Variants in NEXMIF observed in about 807,000 individuals in gnomAD.
NEXMIF encodes the protein neurite extension and migration factor.
In NEXMIF, 8 loss-of-function variants were observed where a neutral mutation model predicts 62.1. The ratio of observed to expected loss-of-function variants is 0.13; its 90% CI spans 0.08 to 0.23. The LOEUF (loss-of-function observed/expected upper bound fraction) is 0.23, where lower values mean the gene tolerates loss of function less well. Among genes scored for constraint, NEXMIF ranks in the 10% least tolerant of loss-of-function variants. The pLI, the probability that NEXMIF is intolerant of heterozygous loss-of-function variation, is 1.00. For synonymous variants in NEXMIF, 404 were observed against 416.6 expected (o/e 0.97, Z 0.37); for missense variants, 976 against 1,113.3 (o/e 0.88, Z 1.75).
At chrX:74,842,700 C>G (rs900035308) in intron 1 of NEXMIF, among the ~76,000 whole-genome samples, 1 of 112,226 alleles carries the variant, frequency 8.9e-6, no homozygotes, top group African/African-American at 3.2e-5. Flanking sequence ...CAAAGAACTT[C>G]TTGACTTCTG....
At chrX:74,889,952 GTC>G (rs72364877) in intron 1 of NEXMIF, among the ~76,000 whole-genome samples, 4,001 of 90,629 alleles carry the variant, frequency 0.044, 159 homozygotes, top group African/African-American at 0.13. Flanking sequence ...AACCTAATCT[GTC>G]TCTCTCTCTC....
chrX:74,866,158 C>T (rs1223417075), intron 1 of NEXMIF, among the ~76,000 whole-genome samples: 1 of 111,958 alleles, frequency 8.9e-6, no homozygotes, highest in Non-Finnish European at 1.9e-5. Flanking sequence ...TGCTTCCAAG[C>T]CACAGGGATG....
chrX:74,858,913 G>T (rs2080545204), intron 1 of NEXMIF, among the ~76,000 whole-genome samples: 1 of 109,616 alleles, frequency 9.1e-6, no homozygotes, highest in African/African-American at 3.3e-5. Context: ...AATTGATCAA[G>T]CAGAAGAAAG....
chrX:74,766,013 C>T (rs1226075966), intron 1 of NEXMIF, among the ~76,000 whole-genome samples: 1 of 99,160 alleles, frequency 1.0e-5, no homozygotes, highest in Non-Finnish European at 2.1e-5. Flanking sequence ...TGCACTCCAG[C>T]CTGGGTGACA....
chrX:74,787,093 T>C (rs6647538), intron 1 of NEXMIF, among the ~76,000 whole-genome samples: 10,810 of 75,645 alleles, frequency 0.14, 1,455 homozygotes, highest in East Asian at 0.9. Context: ...ACCCTGTCTC[T>C]ACCAAAAATA....
intron 1 of NEXMIF, among the ~76,000 whole-genome samples, chrX:74,873,455 G>A (rs1478804904): frequency 8.9e-6 from 1 of 111,891 alleles, no homozygotes; most frequent in Non-Finnish European, 1.9e-5. Flanking sequence ...AAACATACGT[G>A]TGCAAGTGTC....
intron 1 of NEXMIF, among the ~76,000 whole-genome samples, chrX:74,914,324 T>C (rs1397812771): frequency 8.9e-6 from 1 of 111,973 alleles, no homozygotes; most frequent in Admixed American, 9.5e-5. Flanking sequence ...ATTGCACTCC[T>C]GGGAGCTTTT....
intron 1 of NEXMIF, among the ~76,000 whole-genome samples, chrX:74,774,066 T>C (rs1156548600): frequency 9.0e-6 from 1 of 110,970 alleles, no homozygotes. Flanking sequence ...GTCTTATCTA[T>C]GAACAGCTTT....
intron 1 of NEXMIF, among the ~76,000 whole-genome samples, chrX:74,850,903 T>C (rs766043581): frequency 9.1e-6 from 1 of 110,066 alleles, no homozygotes; most frequent in East Asian, 2.9e-4. Context: ...CTAGAAAAAT[T>C]ATTAAAAGTG....
chrX:74,740,605 A>T lies in NEXMIF; in HGVS notation c.3952T>A (p.Tyr1318Asn). Residue 1318 changes from tyrosine (Y) to asparagine (N), a missense_variant, in exon 3 of 4, where the codon TAT becomes AAT. By Grantham distance (143) the Tyr-to-Asn change is moderately radical (BLOSUM62 -2). Around this residue, in one of 5 missense-constraint regions of NEXMIF, gnomAD observed 29 missense variants for 56.5 expected, o/e 0.51. Transcript: ENST00000055682. ...DDQREFQEPS[Y>N]ILSNIASGMA... is the part of the protein sequence containing the mutation. ...CCAGAGGCAATGTTGGACAAGATATAGGAAGGCTCCTGAAATTCCCGTTGG... is the reference window on the plus strand; with the variant it reads ...CCAGAGGCAATGTTGGACAAGATATTGGAAGGCTCCTGAAATTCCCGTTGG... The T allele has an allele frequency of 2.5e-6, 3 of 1,212,107 alleles. No individual in the cohort carries two copies. The South Asian group carries it at 5.3e-5, about 21-fold the overall frequency.
intron 1 of NEXMIF, among the ~76,000 whole-genome samples, chrX:74,751,229 C>CA (rs1222207972): frequency 4.1e-4 from 43 of 105,887 alleles, no homozygotes; most frequent in Admixed American, 1.0e-3. Flanking sequence ...GACTCTGTCT[C>CA]AAAAAAAAAA....
At chrX:74,878,637 C>G (rs941286108) in intron 1 of NEXMIF, among the ~76,000 whole-genome samples, 5 of 112,499 alleles carry the variant, frequency 4.4e-5, no homozygotes, top group African/African-American at 1.6e-4. Context: ...TCGCAATCAG[C>G]GGGACTCCGT....
chrX:74,739,402 A>G lies in NEXMIF; in HGVS notation c.*3T>C. On this transcript the variant is annotated 3_prime_UTR_variant, in exon 4 of 4. Coordinates refer to ENST00000055682, the MANE Select transcript of NEXMIF (RefSeq NM_001008537.3). The stretch of plus-strand genomic sequence containing the variant: ...ATATTTTGAAAGAAATAAAACACAA[A>G]CATCAAATGTCTTTCTGGAAAATGC... The G allele has an allele frequency of 8.5e-7, 1 of 1,176,507 alleles. No individual in the cohort carries two copies. The highest frequency in any genetic ancestry group is 1.8e-5 in the African/African-American group (1 of 56,407).
chrX:74,833,404 CTTTT>C (rs763142315), intron 1 of NEXMIF, among the ~76,000 whole-genome samples: 36 of 111,624 alleles, frequency 3.2e-4, no homozygotes, highest in Non-Finnish European at 6.2e-4. Flanking sequence ...ATTCCTGCTC[CTTTT>C]TTGTTTCCAT....
intron 1 of NEXMIF, among the ~76,000 whole-genome samples, chrX:74,821,001 G>A (rs1224147036): frequency 9.0e-6 from 1 of 110,918 alleles, no homozygotes; most frequent in Admixed American, 9.6e-5. Flanking sequence ...ACCTGTACAT[G>A]TGTCCCCTCA....
At chrX:74,839,798 G>A (rs2080468326) in intron 1 of NEXMIF, among the ~76,000 whole-genome samples, 1 of 111,940 alleles carries the variant, frequency 8.9e-6, no homozygotes, top group African/African-American at 3.2e-5. Flanking sequence ...TCACATTTTC[G>A]TTATCCAATC....
chrX:74,813,528 T>A (rs1408160059), intron 1 of NEXMIF, among the ~76,000 whole-genome samples: 1 of 112,047 alleles, frequency 8.9e-6, no homozygotes, highest in Non-Finnish European at 1.9e-5. Context: ...GAAACCAGTG[T>A]TCTCTTCAAG....
chrX:74,923,544 C>T (rs1287117725), intron 1 of NEXMIF, among the ~76,000 whole-genome samples: 2 of 111,919 alleles, frequency 1.8e-5, no homozygotes, highest in African/African-American at 6.5e-5. Flanking sequence ...AAGAACGTCA[C>T]TGCTGTAAAT....
At chrX:74,780,916 G>A (rs1025791039) in intron 1 of NEXMIF, among the ~76,000 whole-genome samples, 5 of 111,332 alleles carry the variant, frequency 4.5e-5, no homozygotes, top group African/African-American at 1.3e-4. Context: ...GCACAGTGGG[G>A]GCCCTGGGGA....
Sources: allele counts gnomAD v4.1 joint callset (sites outside exome capture counted in the v4.1 genomes callset), GRCh38; gene constraint gnomAD v4.1.1; regional missense constraint gnomAD v4.1.1; transcripts MANE v1.5; gene names NCBI Gene and HGNC (gene_info 2026-07-23, HGNC 2026-07-21).